Variants in POU6F2 observed in about 807,000 individuals in gnomAD.
POU6F2 encodes POU domain, class 6, transcription factor 2.
In POU6F2, 31 loss-of-function variants were observed where a neutral mutation model predicts 71.3. That is an observed-to-expected ratio of 0.43 (90% confidence interval 0.33 to 0.59). The LOEUF is 0.59. Ranked by LOEUF, POU6F2 falls within the 20% of genes least tolerant of loss-of-function variation. The pLI, the probability that POU6F2 is intolerant of heterozygous loss-of-function variation, is 0.04. For synonymous variants in POU6F2, 347 were observed against 355.7 expected (o/e 0.98, Z 0.27); for missense variants, 783 against 856.8 (o/e 0.91, Z 1.07).
intron 4 of POU6F2, among the ~76,000 whole-genome samples, chr7:39,221,737 A>G (rs1794366891): frequency 6.6e-6 from 1 of 152,252 alleles, no homozygotes; most frequent in African/African-American, 2.4e-5. Context: ...ACTGTGAAAT[A>G]TAGAGAAATT....
chr7:39,377,495 A>T (rs552203516), intron 5 of POU6F2, among the ~76,000 whole-genome samples: 2 of 152,320 alleles, frequency 1.3e-5, no homozygotes, highest in South Asian at 4.1e-4. Flanking sequence ...TGTTTGCCAT[A>T]CTTAAGAGAA....
intron 1 of POU6F2, among the ~76,000 whole-genome samples, chr7:39,076,453 C>T (rs539781819): frequency 1.3e-5 from 2 of 152,228 alleles, no homozygotes; most frequent in Admixed American, 1.3e-4. Flanking sequence ...CCTCGTGGCA[C>T]GCATTTACCT....
At chr7:39,218,377 G>A (rs901565357) in intron 4 of POU6F2, among the ~76,000 whole-genome samples, 4 of 152,054 alleles carry the variant, frequency 2.6e-5, no homozygotes, top group East Asian at 1.9e-4. Context: ...TAAGAAAATC[G>A]GAGACAGTTC....
intron 4 of POU6F2, among the ~76,000 whole-genome samples, chr7:39,214,735 A>AAG (rs1445714204): frequency 6.6e-6 from 1 of 152,152 alleles, no homozygotes; most frequent in East Asian, 1.9e-4. Flanking sequence ...AAGAGAAGTA[A>AAG]AGAGAGCATT....
At chr7:39,449,577 C>T (rs753131087) in intron 7 of POU6F2, among the ~76,000 whole-genome samples, 4 of 151,970 alleles carry the variant, frequency 2.6e-5, no homozygotes, top group Non-Finnish European at 5.9e-5. Context: ...TAGTATGATC[C>T]AATAGTTCCA....
intron 2 of POU6F2, among the ~76,000 whole-genome samples, chr7:39,155,355 G>A (rs181239853): frequency 1.3e-5 from 2 of 151,942 alleles, no homozygotes; most frequent in African/African-American, 2.4e-5. Context: ...AGGGTGAGAT[G>A]GAAAGGGTAT....
chr7:39,122,470 G>C (rs1792061427), intron 2 of POU6F2, among the ~76,000 whole-genome samples: 1 of 152,198 alleles, frequency 6.6e-6, no homozygotes, highest in African/African-American at 2.4e-5. Context: ...AAAGTATTTA[G>C]CACACAGCCT....
chr7:39,381,039 G>T (rs955679736), intron 5 of POU6F2, among the ~76,000 whole-genome samples: 4 of 152,096 alleles, frequency 2.6e-5, no homozygotes, highest in African/African-American at 4.8e-5. Context: ...CAAACATCCA[G>T]CCTTCTCAGC....
chr7:39,460,510 T>TG lies in POU6F2; in HGVS notation c.1490-36dup, dbSNP rs1788919105. On this transcript the variant is annotated intron_variant, in intron 8 of 9. Transcript: ENST00000518318. This position sits in a 1 kb window ranked among gnomAD's most constrained non-coding sequence, Gnocchi z 4.4. The stretch of plus-strand genomic sequence containing the variant: ...AAACAGATATTGCTCGGCTGTGTGT[T>TG]GACGTATTGATCCTATTTTTAAAAA... The TG allele has an allele frequency of 6.2e-7, 1 of 1,603,626 alleles. No homozygotes were observed. The highest frequency in any genetic ancestry group is 1.3e-5 in the African/African-American group (1 of 74,840).
intron 5 of POU6F2, among the ~76,000 whole-genome samples, chr7:39,364,388 A>G (rs1229210647): frequency 6.6e-6 from 1 of 151,830 alleles, no homozygotes; most frequent in Non-Finnish European, 1.5e-5. Flanking sequence ...CACTGCACCC[A>G]ATTTGTGGTC....
rs373483780 is a variant in POU6F2 at position 39,370,138 on chromosome 7, G to A, written c.972+30123G>A. Among the ~76,000 whole-genome samples, 114 of 152,176 alleles carry A rather than the reference G, an allele frequency of 7.5e-4. 4 individuals carry two copies. The South Asian group carries it at 0.021, about 27-fold the overall frequency. On this transcript the variant is annotated intron_variant, in intron 5 of 9. Transcript: ENST00000518318. Reference sequence around the variant, plus strand: ...CGGGAACCTAACCCATAATATCTCCGAGGTATGCCTGCATTATCCTCCAAC... The same window carrying A: ...CGGGAACCTAACCCATAATATCTCCAAGGTATGCCTGCATTATCCTCCAAC...
At chr7:39,007,914 T>A (rs1488955231) in intron 1 of POU6F2, among the ~76,000 whole-genome samples, 1 of 151,688 alleles carries the variant, frequency 6.6e-6, no homozygotes, top group African/African-American at 2.4e-5. Context: ...ATTTTCTTAA[T>A]CCAGTCTATC....
intron 1 of POU6F2, chr7:38,984,424 C>T (rs1788410003): frequency 6.6e-6 from 1 of 152,030 alleles, no homozygotes; most frequent in African/African-American, 2.4e-5. Flanking sequence ...AGAGACAAGA[C>T]CTCGAGCAAA....
intron 2 of POU6F2, among the ~76,000 whole-genome samples, chr7:39,170,880 C>T (rs1793205375): frequency 6.6e-6 from 1 of 151,586 alleles, no homozygotes; most frequent in African/African-American, 2.4e-5. Flanking sequence ...TTCTTTTATT[C>T]CTTTACTTTC....
At chr7:39,240,984 C>G (rs1450474535) in intron 4 of POU6F2, among the ~76,000 whole-genome samples, 2 of 152,070 alleles carry the variant, frequency 1.3e-5, no homozygotes, top group East Asian at 3.9e-4. Flanking sequence ...CTTCCTCTGC[C>G]CACCTTCTTG....
intron 4 of POU6F2, among the ~76,000 whole-genome samples, chr7:39,211,210 G>A (rs1794136953): frequency 6.6e-6 from 1 of 152,080 alleles, no homozygotes; most frequent in African/African-American, 2.4e-5. Flanking sequence ...GGTGGGTTGG[G>A]AGGAACAAAC....
intron 2 of POU6F2, among the ~76,000 whole-genome samples, chr7:39,158,081 G>A (rs1259162283): frequency 5.3e-5 from 8 of 152,212 alleles, no homozygotes; most frequent in Middle Eastern, 3.4e-3. Context: ...ATTTCTCTGC[G>A]CTTTAGTTTC....
At chr7:39,440,719 C>A (rs368295991) in intron 7 of POU6F2, among the ~76,000 whole-genome samples, 1 of 152,218 alleles carries the variant, frequency 6.6e-6, no homozygotes, top group East Asian at 1.9e-4. Context: ...GTTCTGTGCC[C>A]TTGTTGGAGA....
At chr7:39,327,369 G>GTT (rs1785530591) in intron 4 of POU6F2, among the ~76,000 whole-genome samples, 1 of 151,800 alleles carries the variant, frequency 6.6e-6, no homozygotes, top group Non-Finnish European at 1.5e-5. Flanking sequence ...AGTCAAGGAT[G>GTT]TTTATTACCT....
Sources: gnomAD v4.1 joint callset for allele counts (sites outside exome capture counted in the v4.1 genomes callset) on GRCh38, gnomAD v4.1.1 for gene constraint, Gnocchi (gnomAD v3.1) non-coding constraint, MANE v1.5 for transcripts, NCBI Gene and HGNC (gene_info 2026-07-23, HGNC 2026-07-21) for gene names.